Variants in GPC6 observed in about 807,000 individuals in gnomAD.
The protein encoded by GPC6 is glypican-6.
In GPC6, 14 loss-of-function variants were observed where a neutral mutation model predicts 55.2. That is an observed-to-expected ratio of 0.25 (90% CI 0.17 to 0.40). The LOEUF is 0.40. Among genes scored for constraint, GPC6 ranks in the 10% least tolerant of loss-of-function variants. GPC6 has a pLI of 1.00. For synonymous variants in GPC6, 278 were observed against 259.6 expected (o/e 1.07, Z -0.68); for missense variants, 641 against 708.5 (o/e 0.90, Z 1.08).
At chr13:93,372,883 C>T (rs750981563) in intron 1 of GPC6, among the ~76,000 whole-genome samples, 22 of 151,192 alleles carry the variant, frequency 1.5e-4, no homozygotes, top group Non-Finnish European at 2.6e-4. Flanking sequence ...ACACACTAAA[C>T]AACTGTGGTT....
intron 3 of GPC6, among the ~76,000 whole-genome samples, chr13:93,891,037 G>C (rs996539115): frequency 2.0e-5 from 3 of 151,776 alleles, no homozygotes; most frequent in Admixed American, 2.0e-4. Context: ...ACCTATCAGT[G>C]GAAATACAAA....
At chr13:94,075,040 A>T (rs1163206685) in intron 4 of GPC6, among the ~76,000 whole-genome samples, 5 of 152,198 alleles carry the variant, frequency 3.3e-5, no homozygotes, top group African/African-American at 1.2e-4. Context: ...CATTATGATT[A>T]TAAATTTGTA....
chr13:94,309,588 T>C (rs1351095264), intron 6 of GPC6, among the ~76,000 whole-genome samples: 1 of 152,230 alleles, frequency 6.6e-6, no homozygotes, highest in African/African-American at 2.4e-5. Context: ...TCTAAAGTTA[T>C]ATACACATAA....
rs564692377 is a variant in GPC6 at position 94,043,036 on chromosome 13, T to C, written c.877+15142T>C. On this transcript the variant is annotated intron_variant, in intron 4 of 8. Transcript: ENST00000377047. ...GCTCAAATTGTTCCAGGTTTGTACATTGGGAGCTCCTTACTTTTGGGTCCT... is the reference window on the plus strand; with the variant it reads ...GCTCAAATTGTTCCAGGTTTGTACACTGGGAGCTCCTTACTTTTGGGTCCT... 3.3e-5 allele frequency among the ~76,000 whole-genome samples: 5 copies of C among 151,960 alleles called. No individual in the cohort carries two copies. The South Asian group carries it at 8.3e-4, about 25-fold the overall frequency.
At chr13:93,621,508 C>G (rs1409096263) in intron 2 of GPC6, among the ~76,000 whole-genome samples, 1 of 152,120 alleles carries the variant, frequency 6.6e-6, no homozygotes, top group Non-Finnish European at 1.5e-5. Flanking sequence ...CCTGGCCATA[C>G]CCCAAACTTA....
chr13:93,596,152 T>C (rs1195388537), intron 2 of GPC6, among the ~76,000 whole-genome samples: 1 of 150,886 alleles, frequency 6.6e-6, no homozygotes, highest in African/African-American at 2.5e-5. Context: ...AGACCAGGGC[T>C]AGGAGATGGG....
intron 2 of GPC6, among the ~76,000 whole-genome samples, chr13:93,667,726 C>A (rs921457004): frequency 1.9e-5 from 2 of 106,410 alleles, no homozygotes; most frequent in African/African-American, 4.1e-5. Context: ...CCACACCCAG[C>A]CAGGACTTGT....
rs148368996 is a variant in GPC6 at position 94,124,464 on chromosome 13, G to A, written c.877+96570G>A. Reference sequence around the variant, plus strand: ...ATATGAAAACAAAGAAAGAAGTGATGAGTCCATGTGGACAAATCAGAGAAG... The same window carrying A: ...ATATGAAAACAAAGAAAGAAGTGATAAGTCCATGTGGACAAATCAGAGAAG... On this transcript the variant is annotated intron_variant, in intron 4 of 8. Coordinates refer to ENST00000377047, the MANE Select transcript of GPC6 (RefSeq NM_005708.5). Among the ~76,000 whole-genome samples the A allele has an allele frequency of 3.1e-3, 472 of 152,156 alleles. 4 individuals carry two copies. The highest frequency in any genetic ancestry group is 0.011 in the African/African-American group (458 of 41,524).
chr13:93,557,101 G>A (rs935592547), intron 2 of GPC6, among the ~76,000 whole-genome samples: 2 of 152,062 alleles, frequency 1.3e-5, no homozygotes, highest in African/African-American at 2.4e-5. Flanking sequence ...TTAATATTTG[G>A]TGTCATGAAA....
chr13:94,063,565 A>T (rs1884412072), intron 4 of GPC6, among the ~76,000 whole-genome samples: 1 of 152,110 alleles, frequency 6.6e-6, no homozygotes, highest in Non-Finnish European at 1.5e-5. Context: ...TTTTGTCTAC[A>T]TTGAGTTTTC....
At chr13:94,216,938 G>GTAA (rs1890243723) in intron 4 of GPC6, among the ~76,000 whole-genome samples, 1 of 152,142 alleles carries the variant, frequency 6.6e-6, no homozygotes, top group South Asian at 2.1e-4. Flanking sequence ...AGAAGATCTG[G>GTAA]GTCTCAAACC....
At chr13:93,867,052 T>C (rs964391565) in intron 3 of GPC6, among the ~76,000 whole-genome samples, 1 of 151,550 alleles carries the variant, frequency 6.6e-6, no homozygotes, top group Non-Finnish European at 1.5e-5. Context: ...GGGTTAGTGG[T>C]TGGGGTAGGA....
At chr13:93,644,239 T>G (rs1273378870) in intron 2 of GPC6, among the ~76,000 whole-genome samples, 1 of 152,108 alleles carries the variant, frequency 6.6e-6, no homozygotes, top group East Asian at 1.9e-4. Context: ...ATTATACTTC[T>G]TCTAGATCAT....
intron 3 of GPC6, among the ~76,000 whole-genome samples, chr13:93,946,452 A>T (rs1193860681): frequency 6.6e-6 from 1 of 152,054 alleles, no homozygotes; most frequent in Non-Finnish European, 1.5e-5. Flanking sequence ...TTTTAATATG[A>T]CTTACTTAAT....
intron 3 of GPC6, among the ~76,000 whole-genome samples, chr13:93,940,789 C>T (rs1396807398): frequency 1.3e-5 from 2 of 152,092 alleles, no homozygotes; most frequent in Non-Finnish European, 2.9e-5. Context: ...GAGTCCTTAT[C>T]TCATCGACAT....
At position 93,972,938 on chromosome 13, in the gene GPC6, T is replaced by C. The variant is rs546615616; in HGVS notation, c.712-54791T>C. On this transcript the variant is annotated intron_variant, in intron 3 of 8. Coordinates refer to ENST00000377047, the MANE Select transcript of GPC6 (RefSeq NM_005708.5). The stretch of plus-strand genomic sequence containing the variant: ...CTCTCTGTCTCTCTGTCTCTCTCTC[T>C]CTCTCTGTCTTTCTCTCTCTCTCTC... Among the ~76,000 whole-genome samples, 15 of 151,990 alleles carry C rather than the reference T, an allele frequency of 9.9e-5. No individual in the cohort carries two copies. In the South Asian group the frequency reaches 3.1e-3, roughly 32 times the overall value.
intron 4 of GPC6, among the ~76,000 whole-genome samples, chr13:94,127,101 C>T (rs1047299934): frequency 4.6e-5 from 7 of 151,988 alleles, no homozygotes; most frequent in Admixed American, 1.3e-4. Context: ...CTGAACTGAA[C>T]ATTGAAAATT....
chr13:93,506,982 C>T (rs1185201977), intron 1 of GPC6, among the ~76,000 whole-genome samples: 4 of 140,116 alleles, frequency 2.9e-5, no homozygotes, highest in Admixed American at 2.3e-4. Context: ...GGTGTGAACC[C>T]GGGAGGGAGG....
intron 2 of GPC6, among the ~76,000 whole-genome samples, chr13:93,803,180 A>G (rs912111382): frequency 2.0e-5 from 3 of 152,172 alleles, no homozygotes; most frequent in Non-Finnish European, 4.4e-5. Context: ...GAATGGAAGA[A>G]AATATTTTTA....
Sources: allele counts gnomAD v4.1 joint callset (sites outside exome capture counted in the v4.1 genomes callset), GRCh38; gene constraint gnomAD v4.1.1; transcripts MANE v1.5; gene names NCBI Gene and HGNC (gene_info 2026-07-23, HGNC 2026-07-21).